Variants in ADCY2 observed in about 807,000 individuals in gnomAD.
ADCY2 encodes the protein adenylate cyclase 2.
A neutral mutation model predicts 125.2 loss-of-function variants in ADCY2; 31 were observed. That is an observed-to-expected ratio of 0.25 (90% CI 0.19 to 0.33). The LOEUF (loss-of-function observed/expected upper bound fraction) is 0.33, where lower values mean the gene tolerates loss of function less well. ADCY2 is among the 10% of genes least tolerant of loss of function. The pLI, the probability that ADCY2 is intolerant of heterozygous loss-of-function variation, is 1.00. For synonymous variants in ADCY2, 512 were observed against 548.4 expected (o/e 0.93, Z 0.93); for missense variants, 904 against 1,418.2 (o/e 0.64, Z 5.82).
intron 3 of ADCY2, among the ~76,000 whole-genome samples, chr5:7,624,223 ATAAT>A (rs112283406): frequency 0.038 from 5,733 of 152,282 alleles, 363 homozygotes; most frequent in African/African-American, 0.13. Flanking sequence ...GAGGAGGCTA[ATAAT>A]TAATATCACT....
chr5:7,657,408 T>A (rs1177852494), intron 4 of ADCY2, among the ~76,000 whole-genome samples: 1 of 151,736 alleles, frequency 6.6e-6, no homozygotes, highest in Non-Finnish European at 1.5e-5. Context: ...GGGCAAAGTC[T>A]TCTACAAACA....
intron 2 of ADCY2, among the ~76,000 whole-genome samples, chr5:7,511,430 C>T (rs961054842): frequency 3.2e-4 from 48 of 151,956 alleles, no homozygotes; most frequent in African/African-American, 1.2e-3. Flanking sequence ...AAAAAATTAG[C>T]CGGGTGTGGT....
chr5:7,589,512 A>AAGAAAGG (rs1736772141), intron 3 of ADCY2, among the ~76,000 whole-genome samples: 1 of 71,276 alleles, frequency 1.4e-5, no homozygotes, highest in Non-Finnish European at 3.5e-5. Flanking sequence ...GAAAGAAAGA[A>AAGAAAGG]AAGAAAAGAA....
chr5:7,526,240 T>C (rs1463327679), intron 3 of ADCY2, among the ~76,000 whole-genome samples: 1 of 152,210 alleles, frequency 6.6e-6, no homozygotes, highest in Non-Finnish European at 1.5e-5. Flanking sequence ...GTGCAGATGC[T>C]TCCTTACGGG....
intron 24 of ADCY2, among the ~76,000 whole-genome samples, chr5:7,824,532 T>C (rs1363515849): frequency 6.6e-6 from 1 of 152,172 alleles, no homozygotes; most frequent in African/African-American, 2.4e-5. Flanking sequence ...CTGAGTTTCA[T>C]TGGTTTTCTT....
intron 6 of ADCY2, among the ~76,000 whole-genome samples, chr5:7,697,739 A>C (rs1472036577): frequency 2.0e-5 from 3 of 152,190 alleles, no homozygotes; most frequent in Non-Finnish European, 4.4e-5. Flanking sequence ...GCAGCTTATT[A>C]GGTGTGGTAA....
intron 2 of ADCY2, among the ~76,000 whole-genome samples, chr5:7,415,251 GA>G (rs1739894420): frequency 6.6e-6 from 1 of 152,154 alleles, no homozygotes; most frequent in South Asian, 2.1e-4. Flanking sequence ...AACTGGAAGT[GA>G]AATAAGCCAG....
intron 1 of ADCY2, among the ~76,000 whole-genome samples, chr5:7,410,234 G>GTA (rs1739656242): frequency 6.6e-6 from 1 of 151,560 alleles, no homozygotes; most frequent in Non-Finnish European, 1.5e-5. Context: ...TGACTTCAAA[G>GTA]TATTTCACTA....
intron 3 of ADCY2, among the ~76,000 whole-genome samples, chr5:7,569,360 C>A (rs1253497576): frequency 6.6e-6 from 1 of 152,196 alleles, no homozygotes; most frequent in Admixed American, 6.5e-5. Context: ...GTGCTTGAGG[C>A]TTGAAAAAGA....
At chr5:7,601,291 T>A (rs186112338) in intron 3 of ADCY2, among the ~76,000 whole-genome samples, 4 of 152,188 alleles carry the variant, frequency 2.6e-5, no homozygotes, top group Admixed American at 2.0e-4. Context: ...ATAGCTCAAT[T>A]TTAAACAAAT....
In ADCY2 at chr5:7,542,361, GA is replaced by G. The variant is rs11389458; in HGVS notation, c.570+21473del. On this transcript the variant is annotated intron_variant, in intron 3 of 24. Transcript: ENST00000338316. ...CAAGAAAGACAGGTAAAATATTACA[GA>G]AAAAAAAAAATGGATCTCTTCGAGG... is the stretch of plus-strand genomic sequence containing the variant. Among the ~76,000 whole-genome samples, 1,214 of 147,256 alleles carry G rather than the reference GA, an allele frequency of 8.2e-3. 10 individuals carry two copies. The highest frequency in any genetic ancestry group is 0.019 in the African/African-American group (773 of 40,496).
chr5:7,440,854 G>A (rs889325499), intron 2 of ADCY2, among the ~76,000 whole-genome samples: 2 of 152,208 alleles, frequency 1.3e-5, no homozygotes, highest in Admixed American at 6.5e-5. Context: ...AGCAGAAGAG[G>A]CAGTCACATG....
chr5:7,529,505 C>G (rs1734574705), intron 3 of ADCY2, among the ~76,000 whole-genome samples: 1 of 152,146 alleles, frequency 6.6e-6, no homozygotes, highest in African/African-American at 2.4e-5. Flanking sequence ...AGACTCTGGG[C>G]TAGTTATTTT....
chr5:7,441,290 C>G, intron 2 of ADCY2, among the ~76,000 whole-genome samples: 1 of 152,158 alleles, frequency 6.6e-6, no homozygotes, highest in Middle Eastern at 3.2e-3. Flanking sequence ...GCCATTGTCA[C>G]AACCTACTTC....
chr5:7,759,064 G>T (rs550829665), intron 16 of ADCY2, among the ~76,000 whole-genome samples: 1 of 152,130 alleles, frequency 6.6e-6, no homozygotes, highest in East Asian at 1.9e-4. Context: ...CCTCTCCATC[G>T]CTTTGTGTAG....
At chr5:7,761,269 C>T (rs143607309) in intron 16 of ADCY2, among the ~76,000 whole-genome samples, 2,916 of 149,654 alleles carry the variant, frequency 0.019, 52 homozygotes, top group South Asian at 0.029. Flanking sequence ...CCTGCCTCAG[C>T]CCCCTGAGTA....
At chr5:7,749,040 T>A (rs752554950) in intron 15 of ADCY2, among the ~76,000 whole-genome samples, 8 of 152,154 alleles carry the variant, frequency 5.3e-5, no homozygotes, top group Non-Finnish European at 1.0e-4. Context: ...TGCCCAGCAC[T>A]AGGCAGGGAT....
intron 2 of ADCY2, among the ~76,000 whole-genome samples, chr5:7,449,767 T>C (rs1030948986): frequency 6.6e-6 from 1 of 152,206 alleles, no homozygotes; most frequent in South Asian, 2.1e-4. Flanking sequence ...CAACCCTGTG[T>C]CAACAAAGTC....
intron 4 of ADCY2, among the ~76,000 whole-genome samples, chr5:7,675,724 G>T (rs1740102992): frequency 6.6e-6 from 1 of 152,198 alleles, no homozygotes; most frequent in African/African-American, 2.4e-5. Flanking sequence ...GTGCAGGGAA[G>T]AATCAGCAGC....
Sources: allele counts gnomAD v4.1 joint callset (sites outside exome capture counted in the v4.1 genomes callset), GRCh38; gene constraint gnomAD v4.1.1; transcripts MANE v1.5; gene names NCBI Gene and HGNC (gene_info 2026-07-23, HGNC 2026-07-21).